Variants in MAP4K1 observed in about 807,000 individuals in gnomAD.
MAP4K1 encodes MAPK/ERK kinase kinase kinase 1.
Under a neutral mutation model 122.8 loss-of-function variants are expected in MAP4K1, and 35 were observed. The ratio of observed to expected loss-of-function variants is 0.29; its 90% confidence interval spans 0.22 to 0.38. The LOEUF (loss-of-function observed/expected upper bound fraction) is 0.38, where lower values mean the gene tolerates loss of function less well. Among genes scored for constraint, MAP4K1 ranks in the 10% least tolerant of loss-of-function variants. MAP4K1 has a pLI of 1.00. For synonymous variants in MAP4K1, 412 were observed against 421.3 expected (o/e 0.98, Z 0.27); for missense variants, 791 against 1,072.6 (o/e 0.74, Z 3.67).
At position 38,617,283 on chromosome 19, in the gene MAP4K1, C is replaced by A. The variant is rs1975674519; in HGVS notation, c.248+71G>T. The stretch of plus-strand genomic sequence containing the variant: ...AAAGAAAAAAAAAGAACTGAGGGTA[C>A]CCCCATCAAGAAATGGGGACTCCGG... On this transcript the variant is annotated intron_variant, in intron 3 of 30. Transcript: ENST00000396857. This position sits in a 1 kb window ranked among gnomAD's most constrained non-coding sequence, Gnocchi z 4.1. The A allele has an allele frequency of 3.1e-6, 3 of 968,930 alleles. No homozygotes were observed. Among genetic ancestry groups the A allele is most frequent in the South Asian group, 1.3e-5 (1 of 78,086 alleles). The allele number at this position is 968,930 out of a possible 1,614,324, so 60.0% of individuals were successfully genotyped here.
In MAP4K1 at chr19:38,610,500, C is replaced by G. The variant is rs562600829; in HGVS notation, c.811-475G>C. Among the ~76,000 whole-genome samples the G allele has an allele frequency of 2.8e-3, 428 of 150,974 alleles. 4 individuals carry two copies. The highest frequency in any genetic ancestry group is 0.01 in the African/African-American group (413 of 41,144). The stretch of plus-strand genomic sequence containing the variant: ...TCCTGGGTTTAAGCAATTCTCCAAC[C>G]TCAGCCTCCCAAGTAGCTGGGATTA... On this transcript the variant is annotated intron_variant, in intron 11 of 30. Coordinates refer to ENST00000396857, the MANE Select transcript of MAP4K1 (RefSeq NM_001042600.3).
chr19:38,617,201 T>C lies in MAP4K1; in HGVS notation c.248+153A>G, dbSNP rs1599723900. The stretch of plus-strand genomic sequence containing the variant: ...CAGAGGTTGCAGTGAGCTGAGATCA[T>C]GCCACTGCACTCCAGCCTGGCAACA... On this transcript the variant is annotated intron_variant, in intron 3 of 30. Coordinates refer to ENST00000396857, the MANE Select transcript of MAP4K1 (RefSeq NM_001042600.3). This position sits in a 1 kb window ranked among gnomAD's most constrained non-coding sequence, Gnocchi z 4.1. Among the ~76,000 whole-genome samples the C allele has an allele frequency of 6.6e-6, 1 of 151,424 alleles. No homozygotes were observed. The highest frequency in any genetic ancestry group is 2.4e-5 in the African/African-American group (1 of 41,092).
At chr19:38,605,193 T>TC (rs1392642477) in intron 19 of MAP4K1, among the ~76,000 whole-genome samples, 1 of 151,998 alleles carries the variant, frequency 6.6e-6, no homozygotes, top group Non-Finnish European at 1.5e-5. Flanking sequence ...TGCTTCAATT[T>TC]CCCCATTTGT....
At chr19:38,588,095 G>C (rs1974582456) in intron 30 of MAP4K1, among the ~76,000 whole-genome samples, 1 of 152,166 alleles carries the variant, frequency 6.6e-6, no homozygotes, top group Non-Finnish European at 1.5e-5. Context: ...GGTGCAGCCT[G>C]AAGGGGGGTT....
chr19:38,614,550 G>T, intron 4 of MAP4K1, 105 bp from the exon 5 acceptor site: 1 of 1,224,616 alleles, frequency 8.2e-7, no homozygotes. Flanking sequence ...CATAGGGAGA[G>T]GGGAAATAGG....
chr19:38,612,593 G>T lies in MAP4K1; in HGVS notation c.665+18C>A. 3.7e-6 allele frequency: 6 copies of T among 1,608,058 alleles called. No homozygotes were observed. The highest frequency in any genetic ancestry group is 4.2e-6 in the Non-Finnish European group (5 of 1,178,526). ...GCTAGACAGGATCTCTGGGCCTGGG[G>T]ACCCCACGCCTGCCTACCTGAGAGG... is the stretch of plus-strand genomic sequence containing the variant. On this transcript the variant is annotated intron_variant, in intron 9 of 30. Coordinates refer to ENST00000396857, the MANE Select transcript of MAP4K1 (RefSeq NM_001042600.3).
At chr19:38,590,357 C>G (rs1247478540) in intron 30 of MAP4K1, among the ~76,000 whole-genome samples, 1 of 98,540 alleles carries the variant, frequency 1.0e-5, no homozygotes, top group African/African-American at 4.1e-5. Flanking sequence ...TAAGTGCCAC[C>G]TATGATCTTG....
At chr19:38,602,761 CGCAT>C (rs1975132368) in intron 19 of MAP4K1, among the ~76,000 whole-genome samples, 2 of 146,540 alleles carry the variant, frequency 1.4e-5, no homozygotes, top group African/African-American at 5.1e-5. Flanking sequence ...TACATATATA[CGCAT>C]ATACATATAT....
intron 3 of MAP4K1, 39 bp from the exon 4 acceptor site, chr19:38,616,298 A>T (rs1266688104): frequency 7.3e-6 from 11 of 1,505,442 alleles, no homozygotes; most frequent in Non-Finnish European, 1.0e-5. Context: ...ATAGCAGTAA[A>T]TACATTATTA....
At position 38,612,667 on chromosome 19, in the gene MAP4K1, G is replaced by A. The variant is rs56029962; in HGVS notation, c.609C>T (p.Ile203=). The part of the protein sequence containing the change: ...NELCDIWSLG[I]TAIELAELQP... ...GTAGCTCGGCCAGTTCGATGGCCGTGATGCCCAGGGACCAGATGTCACACA... is the reference window on the plus strand; with the variant it reads ...GTAGCTCGGCCAGTTCGATGGCCGTAATGCCCAGGGACCAGATGTCACACA... The change falls in exon 9 of 31, where the codon ATC becomes ATT. Residue 203 remains isoleucine, a synonymous_variant. Transcript: ENST00000396857. The A allele has an allele frequency of 4.8e-4, 774 of 1,613,880 alleles. 8 individuals are homozygous for A. Among genetic ancestry groups the A allele is most frequent in the Non-Finnish European group, 7.9e-5 (93 of 1,179,940 alleles).
chr19:38,617,301 G>A lies in MAP4K1; in HGVS notation c.248+53C>T. The A allele has an allele frequency of 1.6e-6, 2 of 1,227,468 alleles. 1 individual carries two copies. Among genetic ancestry groups the A allele is most frequent in the South Asian group, 2.4e-5 (2 of 83,230 alleles). 76.0% of individuals were successfully genotyped at this position (1,227,468 alleles called of 1,614,324 possible). A position where few individuals can be genotyped will look rare whatever the true frequency, so the allele number is the denominator to read the frequency against. ...GAGGGTACCCCCATCAAGAAATGGG[G>A]ACTCCGGGTTAGGGGCTGGGCTGGG... On this transcript the variant is annotated intron_variant, in intron 3 of 30. Transcript: ENST00000396857. The surrounding 1 kb of genome is among the most constrained non-coding windows in gnomAD (Gnocchi z 4.1).
At chr19:38,605,347 A>AC in intron 19 of MAP4K1, 62 bp downstream of exon 19, 4 of 595,628 alleles carry the variant, frequency 6.7e-6, no homozygotes, top group Non-Finnish European at 1.2e-5. Context: ...CCCCCTCCCC[A>AC]CCCCACCAGG....
At chr19:38,599,046 A>C (rs918719892) in intron 22 of MAP4K1, among the ~76,000 whole-genome samples, 13 of 137,530 alleles carry the variant, frequency 9.5e-5, no homozygotes, top group Admixed American at 7.4e-5. Context: ...GGACTAATTT[A>C]GGCCAGGTGC....
At chr19:38,608,828 A>AAAAAAACAAAC (rs1555811720) in intron 13 of MAP4K1, among the ~76,000 whole-genome samples, 1 of 137,138 alleles carries the variant, frequency 7.3e-6, no homozygotes, top group Non-Finnish European at 1.6e-5. Context: ...AAAAAAAAAA[A>AAAAAAACAAAC]ACATTAGCCA....
intron 16 of MAP4K1, among the ~76,000 whole-genome samples, chr19:38,606,625 A>G (rs1191513170): frequency 6.6e-6 from 1 of 152,152 alleles, no homozygotes; most frequent in African/African-American, 2.4e-5. Context: ...TCCTGCACTT[A>G]GCCTTGGTGC....
intron 22 of MAP4K1, 74 bp downstream of exon 22, chr19:38,599,851 G>T: frequency 7.1e-7 from 1 of 1,410,990 alleles, no homozygotes; most frequent in Non-Finnish European, 1.0e-6. Flanking sequence ...AGCTGTGCCC[G>T]TCTACTTCCC....
In MAP4K1 at chr19:38,609,948, T is replaced by C; in HGVS notation, c.888A>G (p.Lys296=). The stretch of plus-strand genomic sequence containing the variant: ...CCTCAATGTCCCCAATGGAGGGTCC[T>C]TTCCCGGGATTCTTCAGTTTGTCAA... ...DLLDKLKNPG[K]GPSIGDIEDE... is the part of the protein sequence containing the mutation. Residue 296 remains lysine (K), a synonymous_variant, in exon 12 of 31, where the codon AAA becomes AAG. Coordinates refer to ENST00000396857, the MANE Select transcript of MAP4K1 (RefSeq NM_001042600.3). 2 of 1,614,218 alleles carry C rather than the reference T, an allele frequency of 1.2e-6. No homozygotes were observed. Among genetic ancestry groups the C allele is most frequent in the South Asian group, 1.1e-5 (1 of 91,090 alleles).
chr19:38,611,998 T>A (rs1447024515), intron 9 of MAP4K1, among the ~76,000 whole-genome samples: 1 of 151,830 alleles, frequency 6.6e-6, no homozygotes, highest in Non-Finnish European at 1.5e-5. Flanking sequence ...CTTGGGAGGT[T>A]GAGGTGGTAG....
intron 19 of MAP4K1, among the ~76,000 whole-genome samples, chr19:38,602,904 A>G (rs576985965): frequency 3.3e-5 from 5 of 149,304 alleles, no homozygotes; most frequent in African/African-American, 1.2e-4. Flanking sequence ...GTACATATAT[A>G]CACACATGTA....
Sources: gnomAD v4.1 joint callset for allele counts (sites outside exome capture counted in the v4.1 genomes callset) on GRCh38, gnomAD v4.1.1 for gene constraint, Gnocchi (gnomAD v3.1) non-coding constraint, MANE v1.5 for transcripts, NCBI Gene and HGNC (gene_info 2026-07-23, HGNC 2026-07-21) for gene names.